The following DPM1 variants were observed in gnomAD, a reference collection of about 807,000 sequenced individuals.
DPM1 encodes dolichyl-phosphate mannosyltransferase subunit 1, catalytic.
In DPM1, 27 loss-of-function variants were observed where a neutral mutation model predicts 39.0. That is an observed-to-expected ratio of 0.69 (90% confidence interval 0.51 to 0.95). The LOEUF (loss-of-function observed/expected upper bound fraction) is 0.95, where lower values mean the gene tolerates loss of function less well. DPM1 is among the 40% of genes least tolerant of loss of function. The pLI, the probability that DPM1 is intolerant of heterozygous loss-of-function variation, is 0.00. For missense variants in DPM1, 307 were observed against 315.6 expected (o/e 0.97, Z 0.21); for synonymous variants, 124 against 109.0 (o/e 1.14, Z -0.86).
intron 2 of DPM1, among the ~76,000 whole-genome samples, chr20:50,950,100 CT>C (rs1387417267): frequency 6.6e-6 from 1 of 152,068 alleles, no homozygotes; most frequent in African/African-American, 2.4e-5. Context: ...TGATTCCTTA[CT>C]TTTTATCTTT....
At chr20:50,953,004 C>T (rs1300513345) in intron 2 of DPM1, among the ~76,000 whole-genome samples, 1 of 152,188 alleles carries the variant, frequency 6.6e-6, no homozygotes, top group Non-Finnish European at 1.5e-5. Context: ...CAGGTTCATT[C>T]CCCAAATGTG....
chr20:50,941,829 AG>A (rs1350182437), intron 6 of DPM1, among the ~76,000 whole-genome samples: 1 of 152,190 alleles, frequency 6.6e-6, no homozygotes, highest in Non-Finnish European at 1.5e-5. Context: ...AAAGGTCCAA[AG>A]GTTTATGCTG....
rs750927313 is a variant in DPM1, at chr20:50,955,235, G to A, written c.212C>T (p.Thr71Ile). Residue 71 changes from threonine to isoleucine, a missense_variant, in exon 2 of 9, where the codon ACA (threonine) becomes ATA (isoleucine). By Grantham distance (89) the Thr-to-Ile change is moderately conservative (BLOSUM62 -1). Transcript: ENST00000371588. ...CTCCAACTGTTCAGCAACATCCCTT[G>A]TTCCATCTGGGCTTCCATCATCTAT... ...IIIDDGSPDG[T>I]RDVAEQLEKI... The A allele has an allele frequency of 1.2e-6, 2 of 1,613,128 alleles. No homozygotes were observed. The highest frequency in any genetic ancestry group is 2.2e-5 in the East Asian group (1 of 44,790).
Position 50,945,753 on chromosome 20 carries a change from T to A in DPM1, c.382A>T (p.Ile128Phe). 6.3e-7 allele frequency: 1 copy of A among 1,586,438 alleles called. No homozygotes were observed. The highest frequency in any genetic ancestry group is 2.2e-5 in the East Asian group (1 of 44,640). ...DADLSHHPKF[I>F]PEFIRKQKEG... ...AGTACCTACCTAATAAATTCAGGAA[T>A]AAATTTTGGCTGAAATTTGAAAAGA... The change falls in exon 5 of 9, where the codon ATT (isoleucine) becomes TTT (phenylalanine). Residue 128 changes from isoleucine to phenylalanine, a missense_variant. Transcript: ENST00000371588.
intron 1 of DPM1, among the ~76,000 whole-genome samples, chr20:50,957,367 T>C (rs1281631776): frequency 2.0e-5 from 3 of 152,222 alleles, no homozygotes; most frequent in Non-Finnish European, 4.4e-5. Flanking sequence ...TAAGCACATT[T>C]CTGTCGACCC....
At chr20:50,958,322 A>G in intron 1 of DPM1, 41 bp downstream of exon 1, 1 of 1,607,952 alleles carries the variant, frequency 6.2e-7, no homozygotes, top group Non-Finnish European at 8.5e-7. Flanking sequence ...CGGGGAAGCC[A>G]GCTCATCTCA....
chr20:50,937,614 T>C (rs1985319307), intron 7 of DPM1, among the ~76,000 whole-genome samples: 1 of 151,994 alleles, frequency 6.6e-6, no homozygotes, highest in African/African-American at 2.4e-5. Context: ...TTTATATATT[T>C]GTATTTTTGG....
chr20:50,957,416 G>A (rs1986883985), intron 1 of DPM1, among the ~76,000 whole-genome samples: 1 of 152,152 alleles, frequency 6.6e-6, no homozygotes, highest in Admixed American at 6.5e-5. Flanking sequence ...TAGTACACAA[G>A]TAAAAGTATG....
At chr20:50,940,811 G>T in intron 7 of DPM1, 54 bp downstream of exon 7, 2 of 1,343,560 alleles carry the variant, frequency 1.5e-6, no homozygotes, top group African/African-American at 1.4e-5. Flanking sequence ...AATATCCATT[G>T]TAAAGAAAGT....
chr20:50,951,230 A>C (rs999271366), intron 2 of DPM1, among the ~76,000 whole-genome samples: 1 of 152,238 alleles, frequency 6.6e-6, no homozygotes, highest in Admixed American at 6.5e-5. Context: ...TATGATACTT[A>C]TAATTTTCAG....
chr20:50,949,519 A>T (rs1295960870), intron 2 of DPM1, among the ~76,000 whole-genome samples: 4 of 152,118 alleles, frequency 2.6e-5, no homozygotes, highest in Admixed American at 2.6e-4. Flanking sequence ...TAGTCCTCCT[A>T]AATCTTTTTG....
intron 1 of DPM1, among the ~76,000 whole-genome samples, chr20:50,958,112 G>A (rs1357167121): frequency 2.0e-5 from 3 of 152,202 alleles, no homozygotes; most frequent in Non-Finnish European, 4.4e-5. Context: ...AAAGGCGGGG[G>A]ACGGGAGTAC....
chr20:50,954,619 T>C (rs1194192188), intron 2 of DPM1, among the ~76,000 whole-genome samples: 1 of 152,230 alleles, frequency 6.6e-6, no homozygotes, highest in East Asian at 1.9e-4. Context: ...TATATTAGAA[T>C]AACAAGTTTC....
chr20:50,944,988 T>G (rs1432440562), intron 5 of DPM1: 1 of 152,238 alleles, frequency 6.6e-6, no homozygotes, highest in Non-Finnish European at 1.5e-5. Context: ...TCTTAAAGTT[T>G]TAACTAGAAA....
intron 5 of DPM1, among the ~76,000 whole-genome samples, chr20:50,942,430 A>C (rs2123099918): frequency 6.6e-6 from 1 of 151,744 alleles, no homozygotes; most frequent in Non-Finnish European, 1.5e-5. Context: ...ACTTGAACCC[A>C]GGAGGCAGGT....
intron 2 of DPM1, among the ~76,000 whole-genome samples, chr20:50,949,972 CATGTA>C (rs1458513989): frequency 2.6e-5 from 4 of 152,168 alleles, no homozygotes; most frequent in South Asian, 2.1e-4. Flanking sequence ...TAATTACCGA[CATGTA>C]ATGTAAGAAC....
intron 1 of DPM1, among the ~76,000 whole-genome samples, chr20:50,958,105 G>A (rs900201199): frequency 3.9e-5 from 6 of 152,240 alleles, no homozygotes; most frequent in Non-Finnish European, 7.3e-5. Flanking sequence ...TCTACGGAAA[G>A]GCGGGGGACG....
intron 7 of DPM1, among the ~76,000 whole-genome samples, chr20:50,938,007 T>G (rs544352794): frequency 2.0e-5 from 3 of 152,300 alleles, no homozygotes; most frequent in Non-Finnish European, 2.9e-5. Flanking sequence ...GGGATTAGGC[T>G]ATGAAATATT....
At position 50,956,844 on chromosome 20, in the gene DPM1, T is replaced by C. The variant is rs1251621333; in HGVS notation, c.161+1519A>G. ...CTGTCCCCTACCACTTCAAAGCAGC[T>C]ACACCACCTGAGGGTGAGGCAGCTC... On this transcript the variant is annotated intron_variant, in intron 1 of 8. Transcript: ENST00000371588. 5.9e-5 allele frequency among the ~76,000 whole-genome samples: 9 copies of C among 152,206 alleles called. No individual in the cohort carries two copies. In the South Asian group the frequency reaches 1.9e-3, roughly 31 times the overall value.
Sources: gnomAD v4.1 joint callset for allele counts (sites outside exome capture counted in the v4.1 genomes callset) on GRCh38, gnomAD v4.1.1 for gene constraint, MANE v1.5 for transcripts, NCBI Gene and HGNC (gene_info 2026-07-23, HGNC 2026-07-21) for gene names.